GGA2: variants seen among roughly 807,000 people sequenced by gnomAD.
GGA2 encodes the protein golgi associated, gamma adaptin ear containing, ARF binding protein 2, also known as ADP-ribosylation factor-binding protein GGA2.
Under a neutral mutation model 79.5 loss-of-function variants are expected in GGA2, and 48 were observed. The ratio of observed to expected loss-of-function variants is 0.60; its 90% CI spans 0.48 to 0.77. The LOEUF (loss-of-function observed/expected upper bound fraction) is 0.77, where lower values mean the gene tolerates loss of function less well. GGA2 is among the 30% of genes least tolerant of loss of function. The probability of loss-of-function intolerance (pLI) is 0.00; values close to 1 mark genes in which losing one functional copy is unlikely to be tolerated. For synonymous variants in GGA2, 317 were observed against 302.0 expected (o/e 1.05, Z -0.51); for missense variants, 770 against 774.0 (o/e 0.99, Z 0.06).
chr16:23,471,326 G>C (rs1194791828), intron 14 of GGA2, among the ~76,000 whole-genome samples: 1 of 152,022 alleles, frequency 6.6e-6, no homozygotes, highest in African/African-American at 2.4e-5. Context: ...AAATTCTAAA[G>C]AGACTTTTAA....
At chr16:23,520,137 C>T (rs1965127664) in intron 1 of GGA2, among the ~76,000 whole-genome samples, 1 of 151,956 alleles carries the variant, frequency 6.6e-6, no homozygotes. Context: ...CCTGTAATCC[C>T]AGCTACTTGG....
At chr16:23,474,827 C>T in intron 14 of GGA2, 77 bp downstream of exon 14, 1 of 1,099,060 alleles carries the variant, frequency 9.1e-7, no homozygotes, top group East Asian at 2.4e-5. Context: ...CTCTATCAAA[C>T]TGGAGTGGAA....
At chr16:23,475,721 T>C (rs904477937) in intron 13 of GGA2, among the ~76,000 whole-genome samples, 2 of 150,722 alleles carry the variant, frequency 1.3e-5, no homozygotes, top group Middle Eastern at 6.4e-3. Flanking sequence ...CCGGCCGACA[T>C]GGTGAAACCC....
intron 1 of GGA2, chr16:23,519,659 G>T (rs1965124108): frequency 2.4e-6 from 1 of 409,952 alleles, no homozygotes; most frequent in African/African-American, 2.1e-5. Context: ...GAAAACAAGG[G>T]GAGCAGACAC....
At position 23,468,900 on chromosome 16, in the gene GGA2, C is replaced by A; in HGVS notation, c.1717G>T (p.Asp573Tyr). Reference sequence around the variant, plus strand: ...CTGGAACATACTTTGTGTGGATTGTCAAGCAGCAGCATCTGAGATATCACA... The same window carrying A: ...CTGGAACATACTTTGTGTGGATTGTAAAGCAGCAGCATCTGAGATATCACA... ...PAVISQMLLL[D>Y]NPHKEPIRLR... The change falls in exon 16 of 17, where the codon GAC becomes TAC. Residue 573 changes from aspartate (D) to tyrosine (Y), a missense_variant. Transcript: ENST00000309859. The A allele has an allele frequency of 6.2e-7, 1 of 1,602,620 alleles. No homozygotes were observed. The highest frequency in any genetic ancestry group is 2.2e-5 in the East Asian group (1 of 44,804).
At chr16:23,492,668 G>C (rs1427413711) in intron 4 of GGA2, among the ~76,000 whole-genome samples, 1 of 152,164 alleles carries the variant, frequency 6.6e-6, no homozygotes, top group Non-Finnish European at 1.5e-5. Flanking sequence ...AACAGGGATA[G>C]AAAGTATAGT....
chr16:23,486,437 A>C (rs1373007167), intron 7 of GGA2, among the ~76,000 whole-genome samples: 2 of 152,142 alleles, frequency 1.3e-5, no homozygotes, highest in East Asian at 1.9e-4. Flanking sequence ...TGTCCATACC[A>C]ATACCTGTTG....
rs375528212 is a variant in GGA2, at chr16:23,488,736, A to G, written c.476-27T>C. 6.0e-5 allele frequency: 74 copies of G among 1,242,054 alleles called. No homozygotes were observed. In the Middle Eastern group the frequency reaches 1.2e-3, roughly 21 times the overall value. The allele number at this position is 1,242,054 out of a possible 1,614,324, so 76.9% of individuals were successfully genotyped here. On this transcript the variant is annotated intron_variant, in intron 5 of 16. Transcript: ENST00000309859. Reference sequence around the variant, plus strand: ...TAAAAATGCAATTTACAAAGTTAAGACACCGATATGGTACCCAGAAACTTC... The same window carrying G: ...TAAAAATGCAATTTACAAAGTTAAGGCACCGATATGGTACCCAGAAACTTC...
chr16:23,490,989 T>C (rs1412657315), intron 5 of GGA2, among the ~76,000 whole-genome samples: 1 of 151,964 alleles, frequency 6.6e-6, no homozygotes, highest in Non-Finnish European at 1.5e-5. Context: ...AGCCCAGTAG[T>C]TTGAGACCAG....
rs764863546 is a variant in GGA2, at chr16:23,474,911, A to G, written c.1443T>C (p.Val481=). 6.8e-6 allele frequency: 11 copies of G among 1,610,852 alleles called. No homozygotes were observed. The South Asian group carries it at 1.1e-4, about 16-fold the overall frequency. Residue 481 remains valine, a synonymous_variant, in exon 14 of 17, where the codon GTT becomes GTC. Transcript: ENST00000309859. The part of the protein sequence containing the change: ...LAQVFVPLES[V]KPSSLPPLIV... ...GAGTGAAATTGTACTTACTGGGCTTAACAGACTCCAAAGGGACAAACACTT... is the reference window on the plus strand; with the variant it reads ...GAGTGAAATTGTACTTACTGGGCTTGACAGACTCCAAAGGGACAAACACTT...
intron 13 of GGA2, 116 bp from the exon 14 acceptor site, chr16:23,475,177 GATGTT>G: frequency 2.0e-6 from 1 of 509,880 alleles, no homozygotes; most frequent in South Asian, 2.3e-5. Context: ...CACAGAGTTA[GATGTT>G]ATATGCCTTT....
Position 23,465,034 on chromosome 16 carries a change from C to CCCCCGAAGAG in GGA2, c.*2555_*2556insCTCTTCGGGG. 4.5e-6 allele frequency: 2 copies of CCCCCGAAGAG among 440,700 alleles called. No homozygotes were observed. The highest frequency in any genetic ancestry group is 8.2e-6 in the Non-Finnish European group (2 of 243,988). The allele number at this position is 440,700 out of a possible 1,614,324, so 27.3% of individuals were successfully genotyped here. The stretch of plus-strand genomic sequence containing the variant: ...CAGGACCCCCGAAGAGTTCAAGATA[C>CCCCCGAAGAG]TGGAAAGCACTGGCCATGAGTGCCA... On this transcript the variant is annotated 3_prime_UTR_variant, in exon 17 of 17. Transcript: ENST00000309859.
At chr16:23,506,009 C>T (rs188585320) in intron 1 of GGA2, among the ~76,000 whole-genome samples, 11 of 152,148 alleles carry the variant, frequency 7.2e-5, no homozygotes, top group African/African-American at 2.4e-4. Flanking sequence ...TAATAGCTAG[C>T]GCTTCTTGGG....
At chr16:23,519,056 T>C in intron 2 of GGA2, among the ~76,000 whole-genome samples, 1 of 150,186 alleles carries the variant, frequency 6.7e-6, no homozygotes, top group East Asian at 1.9e-4. Context: ...TTTTTTTTTT[T>C]TTTTTGAGAC....
rs889930759 is a variant in GGA2 at position 23,491,941 on chromosome 16, C to T, written c.352-141G>A. On this transcript the variant is annotated intron_variant, in intron 4 of 16. Coordinates refer to ENST00000309859, the MANE Select transcript of GGA2 (RefSeq NM_015044.4). ...GTGTGAGGAGAGACTAGAGGCCACA[C>T]CATCTGGCGCCCAGCCCCGGAGCCC... 17 of 562,498 alleles carry T rather than the reference C, an allele frequency of 3.0e-5. No individual in the cohort carries two copies. In the East Asian group the frequency reaches 3.5e-4, roughly 12 times the overall value. The allele number at this position is 562,498 out of a possible 1,614,324, so 34.8% of individuals were successfully genotyped here. A position where few individuals can be genotyped will look rare whatever the true frequency, so the allele number is the denominator to read the frequency against.
intron 8 of GGA2, among the ~76,000 whole-genome samples, chr16:23,484,829 G>A (rs1964692478): frequency 1.3e-5 from 2 of 152,162 alleles, no homozygotes; most frequent in Non-Finnish European, 1.5e-5. Context: ...TAAATATGGA[G>A]TTACCCCAAG....
At chr16:23,513,263 A>G (rs969907753), upstream of GGA2, among the ~76,000 whole-genome samples, 2 of 105,508 alleles carry the variant, frequency 1.9e-5, no homozygotes, top group Non-Finnish European at 4.3e-5. Context: ...GTTTTGGCAT[A>G]GCGAGTACTT....
Position 23,491,818 on chromosome 16 carries a change from A to G in GGA2, c.352-18T>C, listed in dbSNP as rs1308556235. The G allele has an allele frequency of 6.3e-7, 1 of 1,584,134 alleles. No homozygotes were observed. Among genetic ancestry groups the G allele is most frequent in the Non-Finnish European group, 8.7e-7 (1 of 1,154,002 alleles). On this transcript the variant is annotated intron_variant, in intron 4 of 16. Coordinates refer to ENST00000309859, the MANE Select transcript of GGA2 (RefSeq NM_015044.4). The stretch of plus-strand genomic sequence containing the variant: ...CCCAGGTACTGAAAGTAAAAAGGAA[A>G]GAGAATTCTAGAGCTGGAAGGGACT...
At chr16:23,499,124 C>G (rs933852045) in intron 1 of GGA2, among the ~76,000 whole-genome samples, 1 of 150,072 alleles carries the variant, frequency 6.7e-6, no homozygotes, top group Non-Finnish European at 1.5e-5. Context: ...GTGAAAGAGA[C>G]ACAGCACTGA....
Sources: gnomAD v4.1 joint callset for allele counts (sites outside exome capture counted in the v4.1 genomes callset) on GRCh38, gnomAD v4.1.1 for gene constraint, MANE v1.5 for transcripts, NCBI Gene and HGNC (gene_info 2026-07-23, HGNC 2026-07-21) for gene names.